The following PRKN variants were observed in gnomAD, a reference collection of about 807,000 sequenced individuals.
PRKN encodes the protein E3 ubiquitin-protein ligase parkin.
In PRKN, 56 loss-of-function variants were observed where a neutral mutation model predicts 59.5. That is an observed-to-expected ratio of 0.94 (90% CI 0.76 to 1.18). The LOEUF is 1.18. Among genes scored for constraint, PRKN ranks in the 50% most tolerant of loss-of-function variants. The pLI, the probability that PRKN is intolerant of heterozygous loss-of-function variation, is 0.00. For missense variants in PRKN, 657 were observed against 596.4 expected (o/e 1.10, Z -1.06); for synonymous variants, 250 against 222.1 (o/e 1.13, Z -1.12).
chr6:162,596,485 T>A (rs1266554499), intron 1 of PRKN, among the ~76,000 whole-genome samples: 1 of 152,226 alleles, frequency 6.6e-6, no homozygotes, highest in East Asian at 1.9e-4. Context: ...TTCCATTAAG[T>A]GTGCAACACA....
chr6:162,287,830 T>A (rs1445286527), intron 2 of PRKN, among the ~76,000 whole-genome samples: 1 of 152,126 alleles, frequency 6.6e-6, no homozygotes, highest in Admixed American at 6.5e-5. Flanking sequence ...GAGAAAAGCC[T>A]AATGTAGAAT....
intron 1 of PRKN, among the ~76,000 whole-genome samples, chr6:162,663,993 T>C (rs559506808): frequency 1.8e-4 from 27 of 152,070 alleles, no homozygotes; most frequent in African/African-American, 6.3e-4. Context: ...TAGGTATATG[T>C]GTGCCATGGT....
At chr6:162,089,083 A>G (rs2128295647) in intron 4 of PRKN, among the ~76,000 whole-genome samples, 1 of 152,314 alleles carries the variant, frequency 6.6e-6, no homozygotes, top group Middle Eastern at 3.4e-3. Context: ...TGTTCTTCAA[A>G]GAACATCATC....
At chr6:161,736,428 C>T (rs7770712) in intron 7 of PRKN, among the ~76,000 whole-genome samples, 33,185 of 152,152 alleles carry the variant, frequency 0.22, 3,979 homozygotes, top group East Asian at 0.51. Flanking sequence ...CTTAGGACTG[C>T]AGTTGTTCAG....
chr6:161,386,717 A>T lies in PRKN; in HGVS notation c.1167+77T>A, dbSNP rs1786265785. 8.9e-7 allele frequency: 1 copy of T among 1,121,158 alleles called. No individual in the cohort carries two copies. The highest frequency in any genetic ancestry group is 1.4e-6 in the Non-Finnish European group (1 of 730,002). The allele number at this position is 1,121,158 out of a possible 1,614,324, so 69.5% of individuals were successfully genotyped here. On this transcript the variant is annotated intron_variant, in intron 10 of 11. Coordinates refer to ENST00000366898, the MANE Select transcript of PRKN (RefSeq NM_004562.3). The surrounding 1 kb of genome is among the most constrained non-coding windows in gnomAD (Gnocchi z 4.3). ...TTGCTTTTTTAGAATGGAACTCTCC[A>T]TGACCTCCAGGAAACGGCTCCAGTC...
chr6:162,454,732 T>C (rs1014505518), intron 1 of PRKN, among the ~76,000 whole-genome samples: 1 of 152,228 alleles, frequency 6.6e-6, no homozygotes, highest in African/African-American at 2.4e-5. Context: ...TGGATCATTT[T>C]GTCCCAGCTT....
chr6:162,527,715 T>C (rs988648153), intron 1 of PRKN, among the ~76,000 whole-genome samples: 1 of 152,130 alleles, frequency 6.6e-6, no homozygotes, highest in Admixed American at 6.5e-5. Context: ...TCCATGTGTG[T>C]TTTAATTTTT....
chr6:161,563,990 C>T lies in PRKN; in HGVS notation c.933+5365G>A, dbSNP rs138155210. Among the ~76,000 whole-genome samples, 1,060 of 152,292 alleles carry T rather than the reference C, an allele frequency of 7.0e-3. 18 individuals are homozygous for T. The highest frequency in any genetic ancestry group is 0.024 in the African/African-American group (1,015 of 41,558). On this transcript the variant is annotated intron_variant, in intron 8 of 11. Coordinates refer to ENST00000366898, the MANE Select transcript of PRKN (RefSeq NM_004562.3). Reference sequence around the variant, plus strand: ...ACAAATATTCTAAGAGATGATTGAGCTTCACTCTCCCTTGTCTACAAAAAG... The same window carrying T: ...ACAAATATTCTAAGAGATGATTGAGTTTCACTCTCCCTTGTCTACAAAAAG...
At chr6:162,476,929 A>G (rs535267207) in intron 1 of PRKN, among the ~76,000 whole-genome samples, 1 of 152,222 alleles carries the variant, frequency 6.6e-6, no homozygotes, top group East Asian at 1.9e-4. Context: ...AGTAAGGCCA[A>G]CTGGTTCTGA....
chr6:161,917,965 T>G (rs1210687896), intron 6 of PRKN, among the ~76,000 whole-genome samples: 1 of 152,226 alleles, frequency 6.6e-6, no homozygotes, highest in Non-Finnish European at 1.5e-5. Flanking sequence ...CTAATTCACT[T>G]TGATCTATCC....
intron 6 of PRKN, among the ~76,000 whole-genome samples, chr6:161,797,842 T>C (rs915624995): frequency 2.0e-5 from 3 of 152,224 alleles, no homozygotes; most frequent in Admixed American, 2.0e-4. Flanking sequence ...AGAAAAGGAT[T>C]GTATACCATC....
chr6:161,556,833 G>A (rs1272159581), intron 8 of PRKN, among the ~76,000 whole-genome samples: 1 of 152,068 alleles, frequency 6.6e-6, no homozygotes, highest in Non-Finnish European at 1.5e-5. Context: ...CTCAAAAGTG[G>A]AAAAATCACT....
At chr6:161,781,944 T>C (rs1043870461) in intron 7 of PRKN, among the ~76,000 whole-genome samples, 1 of 152,210 alleles carries the variant, frequency 6.6e-6, no homozygotes, top group African/African-American at 2.4e-5. Flanking sequence ...GTGGAGAGCC[T>C]GATACTGCAC....
intron 5 of PRKN, among the ~76,000 whole-genome samples, chr6:162,023,631 C>T (rs1783301037): frequency 6.6e-6 from 1 of 152,124 alleles, no homozygotes; most frequent in South Asian, 2.1e-4. Flanking sequence ...CATGTCTGGC[C>T]GTCTGTGTGT....
chr6:161,808,168 A>C (rs965242782), intron 6 of PRKN, among the ~76,000 whole-genome samples: 25 of 152,210 alleles, frequency 1.6e-4, no homozygotes, highest in African/African-American at 5.5e-4. Flanking sequence ...TTTTCATCAC[A>C]GACCCCTCAT....
chr6:161,395,461 A>G lies in PRKN; in HGVS notation c.1084-8584T>C, dbSNP rs1786713166. 6.6e-6 allele frequency among the ~76,000 whole-genome samples: 1 copy of G among 152,178 alleles called. No individual in the cohort carries two copies. Among genetic ancestry groups the G allele is most frequent in the African/African-American group, 2.4e-5 (1 of 41,436 alleles). Reference sequence around the variant, plus strand: ...TCCCGCTCTTCAGGTCATTTCACACATGTGAAAGGAAATCTGTAGCAGAAA... The same window carrying G: ...TCCCGCTCTTCAGGTCATTTCACACGTGTGAAAGGAAATCTGTAGCAGAAA... On this transcript the variant is annotated intron_variant, in intron 9 of 11. Coordinates refer to ENST00000366898, the MANE Select transcript of PRKN (RefSeq NM_004562.3). This position sits in a 1 kb window ranked among gnomAD's most constrained non-coding sequence, Gnocchi z 5.0.
rs541431194 is a variant in PRKN, at chr6:162,537,192, CA to C, written c.8-93720del. Among the ~76,000 whole-genome samples, 363 of 152,222 alleles carry C rather than the reference CA, an allele frequency of 2.4e-3. 1 individual carries two copies. The highest frequency in any genetic ancestry group is 2.6e-3 in the Non-Finnish European group (176 of 67,996). Reference sequence around the variant, plus strand: ...CTGGGGAGCTTTCAAAACTATTAAACAGCAAAATATCTGACACACAGTAGCT... The same window carrying C: ...CTGGGGAGCTTTCAAAACTATTAAACGCAAAATATCTGACACACAGTAGCT... On this transcript the variant is annotated intron_variant, in intron 1 of 11. Transcript: ENST00000366898.
intron 7 of PRKN, among the ~76,000 whole-genome samples, chr6:161,693,782 G>A (rs1231781263): frequency 5.3e-5 from 8 of 152,174 alleles, no homozygotes; most frequent in African/African-American, 1.7e-4. Flanking sequence ...TGGGTGCACA[G>A]CTACTAAATG....
chr6:162,383,020 T>G (rs1786578665), intron 2 of PRKN, among the ~76,000 whole-genome samples: 1 of 152,184 alleles, frequency 6.6e-6, no homozygotes, highest in Non-Finnish European at 1.5e-5. Context: ...AGGCTCCAAT[T>G]TAATTCTAGA....
Sources: gnomAD v4.1 joint callset for allele counts (sites outside exome capture counted in the v4.1 genomes callset) on GRCh38, gnomAD v4.1.1 for gene constraint, Gnocchi (gnomAD v3.1) non-coding constraint, MANE v1.5 for transcripts, NCBI Gene and HGNC (gene_info 2026-07-23, HGNC 2026-07-21) for gene names.